SEMA3E: variants seen among roughly 807,000 people sequenced by gnomAD.
SEMA3E encodes semaphorin 3E, also known as semaphorin-3E.
Under a neutral mutation model 93.6 loss-of-function variants are expected in SEMA3E, and 49 were observed. That is an observed-to-expected ratio of 0.52 (90% CI 0.42 to 0.66). The LOEUF (loss-of-function observed/expected upper bound fraction) is 0.66. SEMA3E is among the 30% of genes least tolerant of loss of function. The probability of loss-of-function intolerance (pLI) is 0.00; values close to 1 mark genes in which losing one functional copy is unlikely to be tolerated. For missense variants in SEMA3E, 906 were observed against 964.8 expected (o/e 0.94, Z 0.81); for synonymous variants, 363 against 330.7 (o/e 1.10, Z -1.06).
intron 2 of SEMA3E, among the ~76,000 whole-genome samples, chr7:83,474,311 G>A (rs1466096127): frequency 6.6e-6 from 1 of 152,020 alleles, no homozygotes; most frequent in Middle Eastern, 3.5e-3. Flanking sequence ...AGTGATAAAT[G>A]CTATCTGATT....
chr7:83,413,099 T>C (rs1042117865), intron 5 of SEMA3E, among the ~76,000 whole-genome samples: 1 of 152,206 alleles, frequency 6.6e-6, no homozygotes, highest in South Asian at 2.1e-4. Context: ...CTAAAATGTG[T>C]AACTAAAATA....
At chr7:83,572,189 C>T (rs1288687299) in intron 1 of SEMA3E, among the ~76,000 whole-genome samples, 4 of 145,204 alleles carry the variant, frequency 2.8e-5, no homozygotes, top group African/African-American at 7.6e-5. Context: ...GATCAAAATA[C>T]CAACATAATT....
At chr7:83,578,162 T>C (rs1042200653) in intron 1 of SEMA3E, among the ~76,000 whole-genome samples, 14 of 151,714 alleles carry the variant, frequency 9.2e-5, no homozygotes, top group African/African-American at 3.1e-4. Context: ...AAAAACAGGA[T>C]TAAATGATAA....
chr7:83,482,473 A>G (rs1376410807), intron 2 of SEMA3E, among the ~76,000 whole-genome samples: 1 of 151,104 alleles, frequency 6.6e-6, no homozygotes, highest in Non-Finnish European at 1.5e-5. Context: ...GCTGAGGCAG[A>G]AGAATGGCGT....
intron 4 of SEMA3E, among the ~76,000 whole-genome samples, chr7:83,464,237 C>T (rs6967899): frequency 0.51 from 75,810 of 150,046 alleles, 21,099 homozygotes; most frequent in East Asian, 0.87. Flanking sequence ...CTGGACAATA[C>T]TTTTACCACT....
chr7:83,402,864 A>G, intron 9 of SEMA3E, 88 bp from the exon 10 acceptor site: 1 of 1,317,266 alleles, frequency 7.6e-7, no homozygotes, highest in Non-Finnish European at 1.1e-6. Context: ...ATAAGAGTCA[A>G]GTCTTTTGGG....
chr7:83,428,746 A>AT (rs1301919936), intron 4 of SEMA3E, among the ~76,000 whole-genome samples: 7 of 152,254 alleles, frequency 4.6e-5, no homozygotes, highest in Middle Eastern at 3.4e-3. Flanking sequence ...GCGTTTTAAC[A>AT]TTTTTTTCTC....
intron 5 of SEMA3E, among the ~76,000 whole-genome samples, chr7:83,418,101 T>C (rs1212103169): frequency 1.3e-5 from 2 of 152,194 alleles, no homozygotes; most frequent in Non-Finnish European, 2.9e-5. Context: ...AAAGTCTTCA[T>C]ATAATTGCAT....
At chr7:83,505,415 G>A (rs1179898246) in intron 1 of SEMA3E, among the ~76,000 whole-genome samples, 1 of 151,952 alleles carries the variant, frequency 6.6e-6, no homozygotes, top group Non-Finnish European at 1.5e-5. Context: ...AAAATAAAAG[G>A]TAATTAAAAG....
rs368284161 is a variant in SEMA3E at position 83,625,534 on chromosome 7, T to G, written c.115+22894A>C. ...TCTAGTACTGGTGTATAGGAATGTT[T>G]GTGATTTTTGCACATTATTTTGTAT... On this transcript the variant is annotated intron_variant, in intron 1 of 16. Transcript: ENST00000643230. 9.2e-5 allele frequency among the ~76,000 whole-genome samples: 14 copies of G among 152,248 alleles called. No homozygotes were observed. In the East Asian group the frequency reaches 2.3e-3, roughly 25 times the overall value.
chr7:83,555,631 A>T (rs185180498), intron 1 of SEMA3E, among the ~76,000 whole-genome samples: 74 of 152,284 alleles, frequency 4.9e-4, no homozygotes, highest in African/African-American at 1.7e-3. Flanking sequence ...AAATCAGCAA[A>T]TCAATAGACT....
At chr7:83,645,443 A>G (rs892418901) in intron 1 of SEMA3E, among the ~76,000 whole-genome samples, 1 of 152,042 alleles carries the variant, frequency 6.6e-6, no homozygotes, top group Non-Finnish European at 1.5e-5. Context: ...GCATCTTGCC[A>G]TTTTAATCTT....
intron 4 of SEMA3E, among the ~76,000 whole-genome samples, chr7:83,421,778 T>C (rs959939966): frequency 8.8e-6 from 1 of 113,894 alleles, no homozygotes; most frequent in Non-Finnish European, 2.1e-5. Context: ...TCTCTTTCTC[T>C]GTGATATCCT....
intron 1 of SEMA3E, among the ~76,000 whole-genome samples, chr7:83,513,919 A>C (rs1790875689): frequency 6.6e-6 from 1 of 152,156 alleles, no homozygotes; most frequent in Admixed American, 6.5e-5. Flanking sequence ...ATGAGGCTGA[A>C]ACCTACTGGG....
intron 4 of SEMA3E, chr7:83,425,118 A>G (rs1730868016): frequency 6.6e-6 from 1 of 152,288 alleles, no homozygotes; most frequent in Non-Finnish European, 1.5e-5. Flanking sequence ...TACTTTTTTA[A>G]AGCTCTGGAA....
intron 5 of SEMA3E, among the ~76,000 whole-genome samples, chr7:83,416,088 T>C (rs1486839143): frequency 1.3e-5 from 2 of 152,118 alleles, no homozygotes; most frequent in Non-Finnish European, 2.9e-5. Flanking sequence ...AGTTTCTGGC[T>C]CACATAGGTT....
intron 1 of SEMA3E, among the ~76,000 whole-genome samples, chr7:83,592,515 C>G (rs1792775635): frequency 6.6e-6 from 1 of 152,014 alleles, no homozygotes; most frequent in African/African-American, 2.4e-5. Flanking sequence ...AGCTAAAAGA[C>G]CTGAAACATT....
intron 1 of SEMA3E, among the ~76,000 whole-genome samples, chr7:83,604,098 A>T (rs1793054131): frequency 6.7e-6 from 1 of 150,324 alleles, no homozygotes; most frequent in African/African-American, 2.5e-5. Flanking sequence ...CTGGAAAGCT[A>T]AAACTTCTAA....
intron 1 of SEMA3E, chr7:83,616,786 G>A (rs981125652): frequency 2.5e-5 from 11 of 437,310 alleles, no homozygotes; most frequent in South Asian, 9.7e-5. Flanking sequence ...GTGCAAAGGC[G>A]TGATCTCCTC....
Sources: gnomAD v4.1 joint callset for allele counts (sites outside exome capture counted in the v4.1 genomes callset) on GRCh38, gnomAD v4.1.1 for gene constraint, MANE v1.5 for transcripts, NCBI Gene and HGNC (gene_info 2026-07-23, HGNC 2026-07-21) for gene names.